SHISA6: variants seen among roughly 807,000 people sequenced by gnomAD.
SHISA6 encodes protein shisa-6.
In SHISA6, 22 loss-of-function variants were observed where a neutral mutation model predicts 47.9. The observed-to-expected ratio is 0.46, with a 90% CI of 0.33 to 0.66. The LOEUF is 0.66. Among genes scored for constraint, SHISA6 ranks in the 30% least tolerant of loss-of-function variants. SHISA6 has a pLI of 0.02. For missense variants in SHISA6, 680 were observed against 764.6 expected, an observed-to-expected ratio of 0.89 and a Z score of 1.30; for synonymous variants, 388 against 337.8, an observed-to-expected ratio of 1.15 and a Z score of -1.63.
chr17:11,241,680 C>G lies in SHISA6; in HGVS notation c.258C>G (p.Ser86Arg), dbSNP rs764756429. The G allele has an allele frequency of 3.4e-6, 5 of 1,489,562 alleles. No individual in the cohort carries two copies. In the South Asian group the frequency reaches 6.4e-5, roughly 19 times the overall value. The allele number at this position is 1,489,562 out of a possible 1,614,324, so 92.3% of individuals were successfully genotyped here. ...QPAAAVAAAA[S>R]AAVTYETCWG... is the part of the protein sequence containing the mutation. ...CGGCGGCTGTGGCGGCGGCGGCCAG[C>G]GCGGCCGTCACCTACGAGACGTGCT... Residue 86 changes from serine (S) to arginine (R), a missense_variant, in exon 1 of 6, where the codon AGC (serine) becomes AGG (arginine). Ser to Arg is a moderately radical substitution (Grantham distance 110). Around this residue, in one of 2 missense-constraint regions of SHISA6, gnomAD observed 559 missense variants for 674.1 expected, o/e 0.83. Transcript: ENST00000441885. This position sits in a 1 kb window ranked among gnomAD's most constrained non-coding sequence, Gnocchi z 5.5.
intron 2 of SHISA6, among the ~76,000 whole-genome samples, chr17:11,376,642 C>G (rs896225349): frequency 6.6e-6 from 1 of 152,148 alleles, no homozygotes; most frequent in African/African-American, 2.4e-5. Flanking sequence ...CCCTTTTAAC[C>G]AGCCCTTCTT....
chr17:11,403,885 C>T (rs1417705073), intron 3 of SHISA6, among the ~76,000 whole-genome samples: 1 of 152,172 alleles, frequency 6.6e-6, no homozygotes, highest in African/African-American at 2.4e-5. Context: ...CCAGTCAGCC[C>T]AGGCATGTCC....
intron 3 of SHISA6, among the ~76,000 whole-genome samples, chr17:11,507,468 A>G (rs1243139938): frequency 1.3e-5 from 2 of 152,148 alleles, no homozygotes; most frequent in Admixed American, 1.3e-4. Context: ...GGCAGATCTC[A>G]GTCTGCATTG....
chr17:11,247,958 T>C (rs1308605303), intron 1 of SHISA6, among the ~76,000 whole-genome samples: 1 of 152,120 alleles, frequency 6.6e-6, no homozygotes, highest in Non-Finnish European at 1.5e-5. Flanking sequence ...GTATTTTTAG[T>C]AGAGACAGCG....
At position 11,560,593 on chromosome 17, in the gene SHISA6, C is replaced by G. The variant is rs1483032321; in HGVS notation, c.*2289C>G. 1.3e-5 allele frequency: 2 copies of G among 152,310 alleles called. No individual in the cohort carries two copies. Among genetic ancestry groups the G allele is most frequent in the African/African-American group, 4.8e-5 (2 of 41,432 alleles). The allele number at this position is 152,310 out of a possible 1,614,324, so 9.4% of individuals were successfully genotyped here. ...ACCTGAGTGGCTGAGAATGCCCTTC[C>G]CAGGTGTCTACATGCAGGTATACAC... On this transcript the variant is annotated 3_prime_UTR_variant, in exon 6 of 6. Coordinates refer to ENST00000441885, the MANE Select transcript of SHISA6 (RefSeq NM_207386.4).
At chr17:11,456,578 T>C (rs1360256152) in intron 3 of SHISA6, among the ~76,000 whole-genome samples, 1 of 152,182 alleles carries the variant, frequency 6.6e-6, no homozygotes, top group African/African-American at 2.4e-5. Context: ...CATTTTGTTT[T>C]GTAGCTGCAG....
intron 2 of SHISA6, among the ~76,000 whole-genome samples, chr17:11,285,399 C>T (rs1317588014): frequency 1.3e-5 from 2 of 152,152 alleles, no homozygotes; most frequent in Non-Finnish European, 2.9e-5. Flanking sequence ...CATATCCCAC[C>T]ACCCCTCAAT....
At chr17:11,462,143 A>C (rs1915707585) in intron 3 of SHISA6, among the ~76,000 whole-genome samples, 1 of 152,158 alleles carries the variant, frequency 6.6e-6, no homozygotes, top group Admixed American at 6.5e-5. Context: ...GACAGGTAGC[A>C]GAGATTAAAG....
chr17:11,526,817 T>C (rs1460879989), intron 3 of SHISA6, among the ~76,000 whole-genome samples: 1 of 144,778 alleles, frequency 6.9e-6, no homozygotes, highest in Non-Finnish European at 1.5e-5. Flanking sequence ...TTCATACATA[T>C]ACAATATTTG....
intron 2 of SHISA6, among the ~76,000 whole-genome samples, chr17:11,300,035 C>T (rs1909868102): frequency 6.6e-6 from 1 of 151,370 alleles, no homozygotes; most frequent in South Asian, 2.1e-4. Context: ...GTCCCAGCTA[C>T]TTGGGAGGCT....
intron 3 of SHISA6, among the ~76,000 whole-genome samples, chr17:11,423,736 G>T (rs1914526776): frequency 6.6e-6 from 1 of 151,772 alleles, no homozygotes; most frequent in Non-Finnish European, 1.5e-5. Flanking sequence ...TTGAACAGAA[G>T]AAGCTGAAAA....
intron 3 of SHISA6, among the ~76,000 whole-genome samples, chr17:11,423,109 A>T (rs1328179839): frequency 6.6e-6 from 1 of 151,794 alleles, no homozygotes; most frequent in East Asian, 1.9e-4. Flanking sequence ...ATTAGATTTT[A>T]TTTATCTCCC....
chr17:11,292,369 A>G (rs574051577), intron 2 of SHISA6, among the ~76,000 whole-genome samples: 1 of 152,166 alleles, frequency 6.6e-6, no homozygotes, highest in East Asian at 1.9e-4. Flanking sequence ...TTATGGCTTG[A>G]TAGGTGCAGG....
intron 3 of SHISA6, among the ~76,000 whole-genome samples, chr17:11,458,042 G>A (rs952559181): frequency 6.2e-5 from 9 of 145,372 alleles, no homozygotes; most frequent in Non-Finnish European, 1.0e-4. Context: ...CCGAGATCAC[G>A]CCACTGCACT....
intron 2 of SHISA6, among the ~76,000 whole-genome samples, chr17:11,377,343 T>C (rs1212207235): frequency 6.6e-6 from 1 of 152,196 alleles, no homozygotes; most frequent in East Asian, 1.9e-4. Flanking sequence ...TGGAAAGCTG[T>C]GTGCCCTAAG....
intron 2 of SHISA6, among the ~76,000 whole-genome samples, chr17:11,377,490 T>C (rs1912845023): frequency 6.6e-6 from 1 of 152,168 alleles, no homozygotes. Flanking sequence ...GGAGACTTGA[T>C]AGAAGTGCAG....
chr17:11,315,180 C>T (rs865957985), intron 2 of SHISA6, among the ~76,000 whole-genome samples: 1 of 152,114 alleles, frequency 6.6e-6, no homozygotes, highest in South Asian at 2.1e-4. Context: ...CTGATACTTC[C>T]CTTGTGTTTA....
chr17:11,342,719 G>A (rs1911578596), intron 2 of SHISA6, among the ~76,000 whole-genome samples: 1 of 152,206 alleles, frequency 6.6e-6, no homozygotes, highest in African/African-American at 2.4e-5. Flanking sequence ...CTAGAAGGGT[G>A]ATTCTGTGCA....
chr17:11,390,604 ATTTT>A (rs371460099), intron 3 of SHISA6, among the ~76,000 whole-genome samples: 2 of 151,866 alleles, frequency 1.3e-5, no homozygotes, highest in East Asian at 1.9e-4. Flanking sequence ...GATAAAAAAT[ATTTT>A]TTTTTAATTT....
Sources: allele counts gnomAD v4.1 joint callset (sites outside exome capture counted in the v4.1 genomes callset), GRCh38; gene constraint gnomAD v4.1.1; regional missense constraint gnomAD v4.1.1; non-coding constraint Gnocchi (gnomAD v3.1); transcripts MANE v1.5; gene names NCBI Gene and HGNC (gene_info 2026-07-23, HGNC 2026-07-21).